The following CLUH variants were observed in gnomAD, a reference collection of about 807,000 sequenced individuals.
The protein encoded by CLUH is CLUH binding protein of NUMT mRNA.
CLUH carries 77 observed loss-of-function variants against 139.3 expected under a neutral mutation model. That is an observed-to-expected ratio of 0.55 (90% CI 0.46 to 0.67). The LOEUF is 0.67. CLUH is among the 30% of genes least tolerant of loss of function. The pLI, the probability that CLUH is intolerant of heterozygous loss-of-function variation, is 0.00. For missense variants in CLUH, 1,876 were observed against 1,875.8 expected (o/e 1.00, Z 0.00); for synonymous variants, 999 against 801.6 (o/e 1.25, Z -4.16).
rs79574930 is a variant in CLUH at position 2,697,401 on chromosome 17, G to GAAAA, written c.1962-463_1962-460dup. On this transcript the variant is annotated intron_variant, in intron 10 of 25. Transcript: ENST00000651024. ...GCGACAAGAGTGAAACTCCGTCTCA[G>GAAAA]AAAAAAAAAAAAAAAGGCAGCTGCG... Among the ~76,000 whole-genome samples, 285 of 121,758 alleles carry GAAAA rather than the reference G, an allele frequency of 2.3e-3. 1 individual carries two copies. Among genetic ancestry groups the GAAAA allele is most frequent in the African/African-American group, 8.0e-3 (264 of 33,178 alleles). 79.9% of individuals were successfully genotyped at this position (121,758 alleles called of 152,430 possible).
At chr17:2,695,679 G>A (rs545292699) in intron 13 of CLUH, 153 bp from the exon 14 acceptor site, 1 of 1,067,930 alleles carries the variant, frequency 9.4e-7, no homozygotes, top group South Asian at 1.7e-5. Flanking sequence ...CCCAGCCTCT[G>A]GCAGGAGCGC....
chr17:2,694,822 T>TTCCCCCCCCCCC, intron 16 of CLUH, 35 bp downstream of exon 16: 3 of 1,346,336 alleles, frequency 2.2e-6, no homozygotes, highest in Non-Finnish European at 3.0e-6. Context: ...ATCTGCCCAA[T>TTCCCCCCCCCCC]CCCACCCACC....
Position 2,708,154 on chromosome 17 carries a change from C to T in CLUH, c.100+3408G>A, listed in dbSNP as rs371630790. 3.3e-5 allele frequency among the ~76,000 whole-genome samples: 5 copies of T among 152,318 alleles called. No individual in the cohort carries two copies. In the East Asian group the frequency reaches 5.8e-4, roughly 18 times the overall value. On this transcript the variant is annotated intron_variant, in intron 1 of 25. Coordinates refer to ENST00000651024, the MANE Select transcript of CLUH (RefSeq NM_001366661.1). The stretch of plus-strand genomic sequence containing the variant: ...CAGTGCCCAGTAAGGGCTGCCCCAG[C>T]ATCCACCCTACCCAGGGTGGGCGGG...
Position 2,691,901 on chromosome 17 carries a change from G to C in CLUH, c.3655-6C>G. The stretch of plus-strand genomic sequence containing the variant: ...TTCTCATGGTCCTCGCCCAGCTGCG[G>C]GGAGGCGGGAAGGGATCAGGCCCCC... On this transcript the variant is annotated splice_polypyrimidine_tract_variant and splice_region_variant and intron_variant, in intron 23 of 25. Coordinates refer to ENST00000651024, the MANE Select transcript of CLUH (RefSeq NM_001366661.1). 1.3e-6 allele frequency: 2 copies of C among 1,525,534 alleles called. No homozygotes were observed. Among genetic ancestry groups the C allele is most frequent in the Non-Finnish European group, 1.8e-6 (2 of 1,139,432 alleles). The allele number at this position is 1,525,534 out of a possible 1,614,324, so 94.5% of individuals were successfully genotyped here.
chr17:2,698,212 C>T lies in CLUH; in HGVS notation c.1645G>A (p.Val549Met), dbSNP rs2151707222. 6.3e-7 allele frequency: 1 copy of T among 1,581,842 alleles called. No homozygotes were observed. Among genetic ancestry groups the T allele is most frequent in the Non-Finnish European group, 8.6e-7 (1 of 1,164,940 alleles). Residue 549 changes from valine (V) to methionine (M), a missense_variant, in exon 10 of 26, where the codon GTG becomes ATG. Val to Met is a conservative substitution (Grantham distance 21). Coordinates refer to ENST00000651024, the MANE Select transcript of CLUH (RefSeq NM_001366661.1). ...IYGSIDFGKT[V>M]VSHPRYLELL... Reference sequence around the variant, plus strand: ...TCCAGGTACCGCGGGTGTGACACCACGGTCTTGCCGAAGTCGATGGAGCCG... The same window carrying T: ...TCCAGGTACCGCGGGTGTGACACCATGGTCTTGCCGAAGTCGATGGAGCCG...
intron 1 of CLUH, among the ~76,000 whole-genome samples, chr17:2,709,955 C>G (rs940104140): frequency 1.3e-5 from 2 of 150,954 alleles, no homozygotes; most frequent in African/African-American, 4.9e-5. Flanking sequence ...TTACCCCCGA[C>G]AGAGCCCCCC....
intron 13 of CLUH, 71 bp downstream of exon 13, chr17:2,696,088 C>G (rs1310056999): frequency 7.0e-6 from 9 of 1,281,274 alleles, no homozygotes; most frequent in African/African-American, 4.4e-5. Context: ...CATGGGCCTC[C>G]AAGTCGGAGA....
Position 2,690,704 on chromosome 17 carries a change from C to T in CLUH, c.3937G>A (p.Asp1313Asn). 6.4e-7 allele frequency: 1 copy of T among 1,562,682 alleles called. No individual in the cohort carries two copies. The highest frequency in any genetic ancestry group is 2.4e-5 in the East Asian group (1 of 41,112). ...GTAGCCATGGGCTCCTCGGCTCTAT[C>T]CCTGTTTCTGCTGGCCTCCTGGAGC... ...HQLQEASRNR[D>N]RAEEPMATEP... Residue 1313 changes from aspartate to asparagine, a missense_variant, in exon 26 of 26, where the codon GAT becomes AAT. Physicochemically the swap from Asp to Asn is conservative, Grantham distance 23 (BLOSUM62 1). Around this residue, in one of 3 missense-constraint regions of CLUH, gnomAD observed 1,454 missense variants for 1,384.4 expected, o/e 1.05. Coordinates refer to ENST00000651024, the MANE Select transcript of CLUH (RefSeq NM_001366661.1).
intron 16 of CLUH, 85 bp downstream of exon 16, chr17:2,694,772 A>T: frequency 6.9e-7 from 1 of 1,444,184 alleles, no homozygotes; most frequent in Non-Finnish European, 9.2e-7. Flanking sequence ...CTATGACCAC[A>T]GGCCTTAGAC....
At chr17:2,697,407 A>C (rs866522317) in intron 10 of CLUH, among the ~76,000 whole-genome samples, 3 of 151,944 alleles carry the variant, frequency 2.0e-5, no homozygotes, top group African/African-American at 7.3e-5. Flanking sequence ...CTCAGAAAAA[A>C]AAAAAAAAAG....
At chr17:2,694,348 AACGCTTGCGCACAGACGGCT>A in intron 17 of CLUH, 72 bp from the exon 18 acceptor site, 1 of 1,529,310 alleles carries the variant, frequency 6.5e-7, no homozygotes, top group African/African-American at 1.4e-5. Context: ...CCAACCCACC[AACGCTTGCGCACAGACGGCT>A]ACCGTGAAAA....
At chr17:2,696,327 G>A in intron 12 of CLUH, 68 bp from the exon 13 acceptor site, 11 of 1,505,424 alleles carry the variant, frequency 7.3e-6, no homozygotes, top group Non-Finnish European at 9.0e-6. Flanking sequence ...GCGCTGGCGG[G>A]GGAAGCGCTC....
chr17:2,700,436 C>T lies in CLUH; in HGVS notation c.1212G>A (p.Glu404=), dbSNP rs1296482813. The T allele has an allele frequency of 1.9e-6, 3 of 1,613,346 alleles. No individual in the cohort carries two copies. The Admixed American group carries it at 5.0e-5, about 27-fold the overall frequency. Residue 404 remains glutamate (E), a synonymous_variant, in exon 9 of 26, where the codon GAG becomes GAA. Transcript: ENST00000651024. ...DWNEELQTTR[E]LPRKNLPERL... Reference sequence around the variant, plus strand: ...GCTCAGGCAGGTTCTTGCGAGGCAGCTCCCTCGTCGTCTGCAGCTCCTCAT... The same window carrying T: ...GCTCAGGCAGGTTCTTGCGAGGCAGTTCCCTCGTCGTCTGCAGCTCCTCAT...
chr17:2,692,652 G>A lies in CLUH; in HGVS notation c.3357C>T (p.Thr1119=), dbSNP rs1018767226. Residue 1119 remains threonine, a synonymous_variant, in exon 21 of 26, where the codon ACC becomes ACT. Transcript: ENST00000651024. Reference sequence around the variant, plus strand: ...GGGCGCGGTACAGCAGGCTCAGGGCGGTGGACAGCTGGCTGCTGGCGAAGC... The same window carrying A: ...GGGCGCGGTACAGCAGGCTCAGGGCAGTGGACAGCTGGCTGCTGGCGAAGC... ...LYCFASSQLS[T]ALSLLYRARY... is the part of the protein sequence containing the mutation. 7.4e-6 allele frequency: 12 copies of A among 1,612,394 alleles called. No individual in the cohort carries two copies. The highest frequency in any genetic ancestry group is 9.3e-6 in the Non-Finnish European group (11 of 1,179,366).
rs932976297 is a variant in CLUH at position 2,711,757 on chromosome 17, G to C, written c.-96C>G. The C allele has an allele frequency of 7.0e-6, 3 of 429,638 alleles. No homozygotes were observed. The highest frequency in any genetic ancestry group is 2.2e-5 in the African/African-American group (1 of 46,484). 26.6% of individuals were successfully genotyped at this position (429,638 alleles called of 1,614,324 possible). On this transcript the variant is annotated 5_prime_UTR_variant, in exon 1 of 26. Transcript: ENST00000651024. ...CGCCGCGGCTGCTGAGGGAAGGACG[G>C]AGTCACCGGCCCACGTGGTGCGCGC...
chr17:2,698,949 A>AGT (rs1432006975), intron 9 of CLUH, among the ~76,000 whole-genome samples: 2 of 152,162 alleles, frequency 1.3e-5, no homozygotes, highest in Non-Finnish European at 2.9e-5. Flanking sequence ...CGACAGGCTG[A>AGT]GGCAGGAGAA....
chr17:2,701,785 C>G (rs1350883266), intron 4 of CLUH, 48 bp from the exon 5 acceptor site: 1 of 1,555,880 alleles, frequency 6.4e-7, no homozygotes, highest in South Asian at 1.2e-5. Context: ...CCAGGGCCAG[C>G]TGTCTCCCTA....
At position 2,703,103 on chromosome 17, in the gene CLUH, G is replaced by T. The variant is rs1051309314; in HGVS notation, c.475+215C>A. 1.3e-5 allele frequency among the ~76,000 whole-genome samples: 2 copies of T among 152,240 alleles called. No homozygotes were observed. Among genetic ancestry groups the T allele is most frequent in the East Asian group, 3.8e-4 (2 of 5,198 alleles). On this transcript the variant is annotated intron_variant, in intron 3 of 25. Coordinates refer to ENST00000651024, the MANE Select transcript of CLUH (RefSeq NM_001366661.1). This position sits in a 1 kb window ranked among gnomAD's most constrained non-coding sequence, Gnocchi z 4.2. ...GGCCTCCCAAAGTGTTGGGATTACA[G>T]GCGTGAGCCACCATGCCCAGCCCAC... is the stretch of plus-strand genomic sequence containing the variant.
At position 2,698,512 on chromosome 17, in the gene CLUH, T is replaced by C. The variant is rs1369464189; in HGVS notation, c.1345A>G (p.Ser449Gly). 2 of 1,612,904 alleles carry C rather than the reference T, an allele frequency of 1.2e-6. No homozygotes were observed. Among genetic ancestry groups the C allele is most frequent in the Admixed American group, 1.7e-5 (1 of 60,006 alleles). ...AACATCTGCATCTTGGTCTCCTCGC[T>C]GGGGTTGATGGCCATCACGTTGCCG... ...IDGNVMAINP[S>G]EETKMQMFIW... Residue 449 changes from serine to glycine, a missense_variant, in exon 10 of 26, where the codon AGC becomes GGC. Ser to Gly is a moderately conservative substitution (Grantham distance 56). Around this residue, in one of 3 missense-constraint regions of CLUH, gnomAD observed 1,454 missense variants for 1,384.4 expected, o/e 1.05. Coordinates refer to ENST00000651024, the MANE Select transcript of CLUH (RefSeq NM_001366661.1).
Sources: allele counts gnomAD v4.1 joint callset (sites outside exome capture counted in the v4.1 genomes callset), GRCh38; gene constraint gnomAD v4.1.1; regional missense constraint gnomAD v4.1.1; non-coding constraint Gnocchi (gnomAD v3.1); transcripts MANE v1.5; gene names NCBI Gene and HGNC (gene_info 2026-07-23, HGNC 2026-07-21).